Variants in CTIF observed in about 807,000 individuals in gnomAD.
CTIF encodes the protein CBP80/20-dependent translation initiation factor.
CTIF carries 21 observed loss-of-function variants against 66.0 expected under a neutral mutation model. The observed-to-expected ratio is 0.32, with a 90% CI of 0.23 to 0.46. The LOEUF is 0.46. Ranked by LOEUF, CTIF falls within the 20% of genes least tolerant of loss-of-function variation. The probability of loss-of-function intolerance (pLI) is 1.00; values close to 1 mark genes in which losing one functional copy is unlikely to be tolerated. For missense variants in CTIF, 739 were observed against 812.7 expected (o/e 0.91, Z 1.10); for synonymous variants, 345 against 326.4 (o/e 1.06, Z -0.62).
At chr18:48,702,226 A>G (rs1249102989) in intron 6 of CTIF, among the ~76,000 whole-genome samples, 1 of 152,158 alleles carries the variant, frequency 6.6e-6, no homozygotes, top group Non-Finnish European at 1.5e-5. Flanking sequence ...GAAAAGGGAG[A>G]GAGGGGTGGT....
At chr18:48,663,693 T>G (rs1468049832) in intron 3 of CTIF, 59 bp from the exon 4 acceptor site, 1 of 1,514,422 alleles carries the variant, frequency 6.6e-7, no homozygotes, top group African/African-American at 1.4e-5. Flanking sequence ...CCTGGCCCCG[T>G]GTTCTCAGCA....
At chr18:48,557,883 C>G (rs1271211419) in intron 1 of CTIF, among the ~76,000 whole-genome samples, 1 of 152,234 alleles carries the variant, frequency 6.6e-6, no homozygotes, top group Non-Finnish European at 1.5e-5. Context: ...GACACCGCTT[C>G]TATCCTAATC....
At chr18:48,708,922 G>C (rs2092192660) in intron 6 of CTIF, among the ~76,000 whole-genome samples, 1 of 152,104 alleles carries the variant, frequency 6.6e-6, no homozygotes, top group African/African-American at 2.4e-5. Context: ...GTGCTGCCTT[G>C]TTTGTCCTGG....
chr18:48,709,891 G>A (rs2145471182), intron 6 of CTIF, among the ~76,000 whole-genome samples: 1 of 152,384 alleles, frequency 6.6e-6, no homozygotes, highest in African/African-American at 2.4e-5. Context: ...AGGCAAGAGA[G>A]ACGGGGGTGA....
At chr18:48,794,750 A>G (rs967644114) in intron 9 of CTIF, among the ~76,000 whole-genome samples, 7 of 152,156 alleles carry the variant, frequency 4.6e-5, no homozygotes, top group Admixed American at 2.0e-4. Context: ...AACATGTGGG[A>G]ACTCTGGAGG....
At position 48,857,652 on chromosome 18, in the gene CTIF, G is replaced by C. The variant is rs1376797492; in HGVS notation, c.1581+11G>C. On this transcript the variant is annotated intron_variant, in intron 11 of 11. Coordinates refer to ENST00000256413, the MANE Select transcript of CTIF (RefSeq NM_014772.3). ...TGCTGCTCTATGGAGGTAAGCTTTG[G>C]GGCTTCGACATCCCCAACCTCAAAG... The C allele has an allele frequency of 1.2e-6, 2 of 1,600,584 alleles. No homozygotes were observed. The highest frequency in any genetic ancestry group is 1.7e-6 in the Non-Finnish European group (2 of 1,173,440).
chr18:48,824,498 C>G (rs1229680230), intron 10 of CTIF, among the ~76,000 whole-genome samples: 2 of 152,276 alleles, frequency 1.3e-5, no homozygotes, highest in East Asian at 3.9e-4. Context: ...CTCTCCGTGC[C>G]TCTGTGATCC....
At chr18:48,669,903 A>G (rs1005452365) in intron 5 of CTIF, among the ~76,000 whole-genome samples, 1 of 145,376 alleles carries the variant, frequency 6.9e-6, no homozygotes, top group Non-Finnish European at 1.5e-5. Context: ...AGTTCTAAGC[A>G]TCTAAGCACT....
chr18:48,591,501 C>G (rs1300347609), intron 1 of CTIF, among the ~76,000 whole-genome samples: 1 of 152,230 alleles, frequency 6.6e-6, no homozygotes, highest in African/African-American at 2.4e-5. Context: ...CTTTCTGAGC[C>G]TCAGTTTCCT....
chr18:48,605,001 T>C (rs534359810), intron 1 of CTIF, among the ~76,000 whole-genome samples: 2 of 152,330 alleles, frequency 1.3e-5, no homozygotes, highest in South Asian at 4.2e-4. Flanking sequence ...CATGCATAGT[T>C]CATATTTTGT....
At chr18:48,581,800 C>T (rs2089664188) in intron 1 of CTIF, among the ~76,000 whole-genome samples, 1 of 152,100 alleles carries the variant, frequency 6.6e-6, no homozygotes, top group South Asian at 2.1e-4. Flanking sequence ...CATAGCAAGG[C>T]AGGGAGGGAC....
chr18:48,699,206 G>A (rs1315951147), intron 6 of CTIF, among the ~76,000 whole-genome samples: 2 of 152,160 alleles, frequency 1.3e-5, no homozygotes, highest in Non-Finnish European at 2.9e-5. Flanking sequence ...TGGCTGCCGA[G>A]GCCTGAAATC....
chr18:48,715,509 C>T (rs966435598), intron 7 of CTIF, among the ~76,000 whole-genome samples: 1 of 152,148 alleles, frequency 6.6e-6, no homozygotes, highest in South Asian at 2.1e-4. Context: ...TGCTAAGGCT[C>T]GTTCCCCCCC....
Position 48,812,329 on chromosome 18 carries a change from T to A in CTIF, c.1372-4892T>A, listed in dbSNP as rs542595323. ...TTAAGATAAACATGTAGGAGTGATTTGTTTTAGAACTTGCTTATGTAAGAT... is the reference window on the plus strand; with the variant it reads ...TTAAGATAAACATGTAGGAGTGATTAGTTTTAGAACTTGCTTATGTAAGAT... On this transcript the variant is annotated intron_variant, in intron 9 of 11. Coordinates refer to ENST00000256413, the MANE Select transcript of CTIF (RefSeq NM_014772.3). Among the ~76,000 whole-genome samples the A allele has an allele frequency of 2.0e-5, 3 of 152,326 alleles. No homozygotes were observed. In the East Asian group the frequency reaches 5.8e-4, roughly 29 times the overall value.
chr18:48,701,209 C>G (rs371144953), intron 6 of CTIF, among the ~76,000 whole-genome samples: 5 of 152,108 alleles, frequency 3.3e-5, no homozygotes, highest in African/African-American at 1.2e-4. Context: ...TCTCATTCCT[C>G]ATGGCCCTTT....
At chr18:48,655,508 C>T (rs2091232992) in intron 3 of CTIF, among the ~76,000 whole-genome samples, 1 of 152,118 alleles carries the variant, frequency 6.6e-6, no homozygotes, top group African/African-American at 2.4e-5. Flanking sequence ...CTCTTGCCCT[C>T]ATGGAATCTG....
intron 1 of CTIF, among the ~76,000 whole-genome samples, chr18:48,595,731 T>C (rs936075937): frequency 1.3e-5 from 2 of 152,164 alleles, no homozygotes; most frequent in Non-Finnish European, 2.9e-5. Flanking sequence ...TGTTATTTCA[T>C]GGTTTATGCT....
chr18:48,560,252 A>T (rs1195286118), intron 1 of CTIF, among the ~76,000 whole-genome samples: 2 of 147,644 alleles, frequency 1.4e-5, no homozygotes, highest in Non-Finnish European at 3.0e-5. Flanking sequence ...TTTGAGACAG[A>T]GTCTCGCTCT....
intron 1 of CTIF, among the ~76,000 whole-genome samples, chr18:48,571,652 G>C (rs1002092679): frequency 6.6e-6 from 1 of 151,848 alleles, no homozygotes; most frequent in Non-Finnish European, 1.5e-5. Flanking sequence ...TTTTTTTCCT[G>C]GGTATATAAT....
Sources: gnomAD v4.1 joint callset for allele counts (sites outside exome capture counted in the v4.1 genomes callset) on GRCh38, gnomAD v4.1.1 for gene constraint, MANE v1.5 for transcripts, NCBI Gene and HGNC (gene_info 2026-07-23, HGNC 2026-07-21) for gene names.